The following MAPT variants were observed in gnomAD, a reference collection of about 807,000 sequenced individuals.
MAPT encodes microtubule associated protein tau.
A neutral mutation model predicts 67.9 loss-of-function variants in MAPT; 34 were observed. That is an observed-to-expected ratio of 0.50 (90% CI 0.38 to 0.67). The LOEUF (loss-of-function observed/expected upper bound fraction) is 0.67. Among genes scored for constraint, MAPT ranks in the 30% least tolerant of loss-of-function variants. The probability of loss-of-function intolerance (pLI) is 0.00; values close to 1 mark genes in which losing one functional copy is unlikely to be tolerated. For missense variants in MAPT, 881 were observed against 1,115.2 expected (o/e 0.79, Z 2.99); for synonymous variants, 456 against 464.5 (o/e 0.98, Z 0.23).
intron 1 of MAPT, among the ~76,000 whole-genome samples, chr17:45,939,835 C>T (rs1396124062): frequency 6.6e-6 from 1 of 152,174 alleles, no homozygotes; most frequent in Non-Finnish European, 1.5e-5. Context: ...CCTGCACTGG[C>T]TGGGGGGCTC....
chr17:46,008,161 A>G (rs549841342), intron 9 of MAPT, among the ~76,000 whole-genome samples: 37 of 152,330 alleles, frequency 2.4e-4, no homozygotes, highest in Non-Finnish European at 5.0e-4. Context: ...CAGTGGCGCC[A>G]TCTCAGCTCA....
intron 4 of MAPT, among the ~76,000 whole-genome samples, chr17:45,981,951 T>TA (rs1351668489): frequency 6.9e-6 from 1 of 145,620 alleles, no homozygotes; most frequent in African/African-American, 2.5e-5. Flanking sequence ...GCCCTGGAGT[T>TA]AAAGTTGCAA....
At chr17:45,929,245 A>C (rs754244931) in intron 1 of MAPT, among the ~76,000 whole-genome samples, 1 of 152,236 alleles carries the variant, frequency 6.6e-6, no homozygotes, top group Non-Finnish European at 1.5e-5. Context: ...TACACCTTAC[A>C]TGGGGCAAGC....
intron 2 of MAPT, among the ~76,000 whole-genome samples, chr17:45,967,717 A>T (rs913968757): frequency 6.6e-6 from 1 of 151,972 alleles, no homozygotes; most frequent in Non-Finnish European, 1.5e-5. Context: ...AACTGACTCT[A>T]AATTACTCCC....
At chr17:45,933,617 C>G (rs565531450) in intron 1 of MAPT, among the ~76,000 whole-genome samples, 7 of 151,846 alleles carry the variant, frequency 4.6e-5, no homozygotes. Context: ...CCTGGCCCCC[C>G]GCATTGTGTT....
At chr17:46,003,322 A>G (rs2075165192) in intron 9 of MAPT, among the ~76,000 whole-genome samples, 1 of 152,002 alleles carries the variant, frequency 6.6e-6, no homozygotes, top group African/African-American at 2.4e-5. Flanking sequence ...TCTGTCACCC[A>G]GGCTGGAGTG....
chr17:45,912,078 C>T (rs1190068365), intron 1 of MAPT, among the ~76,000 whole-genome samples: 2 of 152,162 alleles, frequency 1.3e-5, no homozygotes, highest in Non-Finnish European at 2.9e-5. Flanking sequence ...TGGGCCTCTC[C>T]CCACCACACA....
intron 12 of MAPT, among the ~76,000 whole-genome samples, chr17:46,020,013 CA>C (rs34260992): frequency 0.022 from 2,740 of 123,400 alleles, 78 homozygotes; most frequent in African/African-American, 0.059. Flanking sequence ...TTCCATCTCA[CA>C]AAAAAAAAAA....
Position 45,906,791 on chromosome 17 carries a change from G to A in MAPT, c.-18+12105G>A, listed in dbSNP as rs182322737. Among the ~76,000 whole-genome samples, 1,170 of 152,076 alleles carry A rather than the reference G, an allele frequency of 7.7e-3. 9 individuals carry two copies. The highest frequency in any genetic ancestry group is 0.012 in the Non-Finnish European group (845 of 67,978). ...CTGGAATTTGCCATCTTCCAGTCCC[G>A]AATGTGGCAAGCCATGGAGCCTTAA... On this transcript the variant is annotated intron_variant, in intron 1 of 12. Transcript: ENST00000262410. The surrounding 1 kb of genome is among the most constrained non-coding windows in gnomAD (Gnocchi z 4.3).
intron 1 of MAPT, among the ~76,000 whole-genome samples, chr17:45,939,839 G>A (rs546388860): frequency 6.6e-6 from 1 of 152,258 alleles, no homozygotes; most frequent in Non-Finnish European, 1.5e-5. Flanking sequence ...CACTGGCTGG[G>A]GGGCTCTCTT....
chr17:45,998,072 G>A (rs752851839), intron 9 of MAPT, among the ~76,000 whole-genome samples: 4 of 152,132 alleles, frequency 2.6e-5, no homozygotes, highest in African/African-American at 9.7e-5. Flanking sequence ...ACTGGGCCTC[G>A]GGGAGCTAGG....
intron 1 of MAPT, among the ~76,000 whole-genome samples, chr17:45,905,942 C>T (rs1217252268): frequency 6.6e-6 from 1 of 152,200 alleles, no homozygotes; most frequent in Non-Finnish European, 1.5e-5. Flanking sequence ...CTGACTTTAG[C>T]CTGACCTGAA....
intron 1 of MAPT, among the ~76,000 whole-genome samples, chr17:45,941,729 T>TCCTTCCCTC (rs2068001839): frequency 7.9e-6 from 1 of 126,678 alleles, no homozygotes; most frequent in African/African-American, 2.7e-5. Flanking sequence ...CTTCCTTCCT[T>TCCTTCCCTC]CCTTCCTTCC....
Position 46,027,858 on chromosome 17 carries a change from TAAGCCG to T in MAPT, c.*3688_*3693del, listed in dbSNP as rs2076881604. The T allele has an allele frequency of 2.0e-5, 3 of 152,350 alleles. No homozygotes were observed. The highest frequency in any genetic ancestry group is 4.4e-5 in the Non-Finnish European group (3 of 68,170). 9.4% of individuals were successfully genotyped at this position (152,350 alleles called of 1,614,324 possible). ...CCTAAGACCTTGGCATCCTTCCCTC[TAAGCCG>T]TTGGCACCTCTGTGCCACCTCTCAC... On this transcript the variant is annotated 3_prime_UTR_variant, in exon 13 of 13. Coordinates refer to ENST00000262410, the MANE Select transcript of MAPT (RefSeq NM_001377265.1).
chr17:45,978,376 T>C lies in MAPT; in HGVS notation c.222T>C (p.Ala74=). The C allele has an allele frequency of 1.2e-6, 2 of 1,613,432 alleles. No individual in the cohort carries two copies. The highest frequency in any genetic ancestry group is 1.7e-6 in the Non-Finnish European group (2 of 1,179,756). The part of the protein sequence containing the change: ...SDAKSTPTAE[A]EEAGIGDTPS... ...TTCATTTGCTGACACATACACCAGCTGAAGAAGCAGGCATTGGAGACACCC... is the reference window on the plus strand; with the variant it reads ...TTCATTTGCTGACACATACACCAGCCGAAGAAGCAGGCATTGGAGACACCC... Residue 74 remains alanine (A), a splice_region_variant and synonymous_variant, in exon 4 of 13, where the codon GCT becomes GCC. Transcript: ENST00000262410.
chr17:45,975,637 C>G (rs1347266303), intron 3 of MAPT: 1 of 152,216 alleles, frequency 6.6e-6, no homozygotes, highest in Non-Finnish European at 1.5e-5. Flanking sequence ...AATGAAAACT[C>G]TAGCCAACTC....
intron 5 of MAPT, among the ~76,000 whole-genome samples, chr17:45,986,421 A>G (rs62063792): frequency 0.14 from 22,023 of 152,238 alleles, 2,124 homozygotes; most frequent in Non-Finnish European, 0.22. Context: ...AGGAAGGTGG[A>G]AATCAGGACT....
chr17:45,946,981 C>A (rs754193717), intron 1 of MAPT, among the ~76,000 whole-genome samples: 1 of 152,068 alleles, frequency 6.6e-6, no homozygotes, highest in African/African-American at 2.4e-5. Flanking sequence ...GATTGAGGCC[C>A]GGAATTATTT....
intron 1 of MAPT, among the ~76,000 whole-genome samples, chr17:45,927,716 C>G (rs1165202088): frequency 2.6e-5 from 4 of 151,954 alleles, no homozygotes; most frequent in Non-Finnish European, 5.9e-5. Flanking sequence ...TAAAAGCATC[C>G]TAGGCCAGGC....
Sources: gnomAD v4.1 joint callset for allele counts (sites outside exome capture counted in the v4.1 genomes callset) on GRCh38, gnomAD v4.1.1 for gene constraint, Gnocchi (gnomAD v3.1) non-coding constraint, MANE v1.5 for transcripts, NCBI Gene and HGNC (gene_info 2026-07-23, HGNC 2026-07-21) for gene names.